Variants in MMS22L observed in about 807,000 individuals in gnomAD.
MMS22L encodes MMS22 like, DNA repair protein.
A neutral mutation model predicts 159.1 loss-of-function variants in MMS22L; 74 were observed. The observed-to-expected ratio is 0.47, with a 90% confidence interval of 0.39 to 0.56. The LOEUF (loss-of-function observed/expected upper bound fraction) is 0.56. Ranked by LOEUF, MMS22L falls within the 20% of genes least tolerant of loss-of-function variation. MMS22L has a pLI of 0.00. For synonymous variants in MMS22L, 517 were observed against 506.9 expected (o/e 1.02, Z -0.27); for missense variants, 1,351 against 1,422.1 (o/e 0.95, Z 0.80).
chr6:97,251,921 A>C lies in MMS22L; in HGVS notation c.1119+2636T>G, dbSNP rs140280893. Among the ~76,000 whole-genome samples, 665 of 152,204 alleles carry C rather than the reference A, an allele frequency of 4.4e-3. 15 individuals carry two copies. The highest frequency in any genetic ancestry group is 0.036 in the Admixed American group (548 of 15,296). ...ACACAGTGAAACCCCGTTTCTACGA[A>C]AAATACAAAAAATTAGCCAGGCGTG... On this transcript the variant is annotated intron_variant, in intron 10 of 24. Coordinates refer to ENST00000683635, the MANE Select transcript of MMS22L (RefSeq NM_001350599.2).
In MMS22L at chr6:97,178,498, A is replaced by G. The variant is rs1737145; in HGVS notation, c.2624T>C (p.Val875Ala). 722,503 of 1,582,194 alleles carry G rather than the reference A, an allele frequency of 0.46. 168,219 individuals carry two copies. Among genetic ancestry groups the G allele is most frequent in the South Asian group, 0.53 (45,131 of 85,932 alleles). The change falls in exon 18 of 25, where the codon GTT (valine) becomes GCT (alanine). Residue 875 changes from valine (V) to alanine (A), a missense_variant. By Grantham distance (64) the Val-to-Ala change is moderately conservative (BLOSUM62 0). Coordinates refer to ENST00000683635, the MANE Select transcript of MMS22L (RefSeq NM_001350599.2). ...GTCTTCTGAGATGGATAAATATTCA[A>G]CTTGGGCCTTTGAGAAAATACTCTT... ...EVKSIFSKAQVEYLSISEDPK... is the reference protein window; with the variant it reads ...EVKSIFSKAQAEYLSISEDPK...
chr6:97,168,920 G>A (rs933331205), intron 19 of MMS22L, among the ~76,000 whole-genome samples: 2 of 151,918 alleles, frequency 1.3e-5, no homozygotes, highest in African/African-American at 4.8e-5. Flanking sequence ...AATTTTCCCT[G>A]GGCCTCACCA....
chr6:97,243,511 T>A (rs1275399798), intron 11 of MMS22L, among the ~76,000 whole-genome samples: 2 of 152,134 alleles, frequency 1.3e-5, no homozygotes, highest in Non-Finnish European at 2.9e-5. Flanking sequence ...ATTTCTTTAA[T>A]CTGGTTTTCA....
chr6:97,189,177 T>G (rs1361407160), intron 14 of MMS22L, among the ~76,000 whole-genome samples: 1 of 150,486 alleles, frequency 6.6e-6, no homozygotes, highest in South Asian at 2.1e-4. Context: ...ACCTTTGACC[T>G]CTCCACAACA....
chr6:97,207,065 TTAAGC>T (rs1322019349), intron 14 of MMS22L, among the ~76,000 whole-genome samples: 3 of 152,164 alleles, frequency 2.0e-5, no homozygotes, highest in African/African-American at 7.2e-5. Context: ...CTTCAGCACT[TTAAGC>T]TACAGTCAAA....
chr6:97,259,213 AACTC>A (rs1275943916), intron 9 of MMS22L: 1 of 152,208 alleles, frequency 6.6e-6, no homozygotes, highest in African/African-American at 2.4e-5. Context: ...TACATTCTGC[AACTC>A]ACTCCGTATC....
At chr6:97,174,507 G>C (rs1008266020) in intron 18 of MMS22L, among the ~76,000 whole-genome samples, 1 of 152,110 alleles carries the variant, frequency 6.6e-6, no homozygotes, top group African/African-American at 2.4e-5. Flanking sequence ...AAGATTGTGA[G>C]AATGTTGGTA....
chr6:97,161,939 G>A, intron 22 of MMS22L, 63 bp downstream of exon 22: 1 of 1,481,674 alleles, frequency 6.7e-7, no homozygotes, highest in Non-Finnish European at 9.3e-7. Flanking sequence ...TAAATTGAGG[G>A]GAAACAGTAG....
At chr6:97,231,918 A>G (rs1810915111) in intron 12 of MMS22L, among the ~76,000 whole-genome samples, 1 of 152,168 alleles carries the variant, frequency 6.6e-6, no homozygotes, top group African/African-American at 2.4e-5. Context: ...CATTGCATTC[A>G]GTGATATGCA....
intron 1 of MMS22L, among the ~76,000 whole-genome samples, chr6:97,282,809 T>C (rs1473014496): frequency 6.6e-6 from 1 of 152,224 alleles, no homozygotes; most frequent in Non-Finnish European, 1.5e-5. Context: ...AAGAAATGTC[T>C]GCAGGACATA....
chr6:97,201,404 G>A (rs534485833), intron 14 of MMS22L, among the ~76,000 whole-genome samples: 2 of 152,244 alleles, frequency 1.3e-5, no homozygotes, highest in East Asian at 3.9e-4. Context: ...TATAGACAGT[G>A]GAGCTAATTT....
At chr6:97,256,938 C>A (rs979968429) in intron 9 of MMS22L, among the ~76,000 whole-genome samples, 2 of 152,070 alleles carry the variant, frequency 1.3e-5, no homozygotes, top group African/African-American at 2.4e-5. Context: ...CACAGTGAGA[C>A]CTTCTCTCTT....
intron 14 of MMS22L, among the ~76,000 whole-genome samples, chr6:97,193,014 T>C (rs1562442160): frequency 6.6e-6 from 1 of 152,214 alleles, no homozygotes; most frequent in Non-Finnish European, 1.5e-5. Flanking sequence ...ACCATTTTAC[T>C]ACACAAATAA....
At chr6:97,152,752 C>T (rs1360471278) in intron 22 of MMS22L, among the ~76,000 whole-genome samples, 1 of 150,672 alleles carries the variant, frequency 6.6e-6, no homozygotes, top group East Asian at 1.9e-4. Context: ...CTTTTTACAA[C>T]TTTTTAAAAT....
chr6:97,218,810 C>T (rs1011878697), intron 14 of MMS22L, among the ~76,000 whole-genome samples: 7 of 152,204 alleles, frequency 4.6e-5, no homozygotes, highest in African/African-American at 7.2e-5. Context: ...TCCCCATGGC[C>T]AGAGAGGCCT....
chr6:97,264,551 C>T (rs1206668245), intron 8 of MMS22L: 1 of 151,848 alleles, frequency 6.6e-6, no homozygotes, highest in Admixed American at 6.6e-5. Context: ...ATCCTAGCCA[C>T]AGCAATTATG....
At chr6:97,195,632 C>CA (rs922658549) in intron 14 of MMS22L, among the ~76,000 whole-genome samples, 2 of 152,074 alleles carry the variant, frequency 1.3e-5, no homozygotes, top group African/African-American at 4.8e-5. Context: ...GCTAGAGATA[C>CA]AAAAATGGTT....
chr6:97,235,340 T>C (rs1382728302), intron 11 of MMS22L, among the ~76,000 whole-genome samples: 2 of 152,182 alleles, frequency 1.3e-5, no homozygotes, highest in African/African-American at 4.8e-5. Flanking sequence ...GTCCAGGGTA[T>C]ACAAGTAGAG....
chr6:97,165,369 C>A lies in MMS22L; in HGVS notation c.3098G>T (p.Arg1033Leu). 1.2e-6 allele frequency: 2 copies of A among 1,613,300 alleles called. No individual in the cohort carries two copies. The highest frequency in any genetic ancestry group is 8.5e-7 in the Non-Finnish European group (1 of 1,179,616). ...AACATATGGTGAAGCTGGAAGAAAT[C>A]GCCCAATATACTGCTCAATAACATT... ...LGNVIEQYIGRFLPASPYVSD... is the reference protein window; with the variant it reads ...LGNVIEQYIGLFLPASPYVSD... Residue 1033 changes from arginine to leucine, a missense_variant, in exon 21 of 25, where the codon CGA becomes CTA. Physicochemically the swap from Arg to Leu is moderately radical, Grantham distance 102. Transcript: ENST00000683635.
Sources: allele counts gnomAD v4.1 joint callset (sites outside exome capture counted in the v4.1 genomes callset), GRCh38; gene constraint gnomAD v4.1.1; transcripts MANE v1.5; gene names NCBI Gene and HGNC (gene_info 2026-07-23, HGNC 2026-07-21).